Variants in TMOD3 observed in about 807,000 individuals in gnomAD.
TMOD3 encodes the protein tropomodulin 3.
A neutral mutation model predicts 39.2 loss-of-function variants in TMOD3; 20 were observed. The ratio of observed to expected loss-of-function variants is 0.51; its 90% CI spans 0.36 to 0.74. TMOD3 has a LOEUF of 0.74. Ranked by LOEUF, TMOD3 falls within the 30% of genes least tolerant of loss-of-function variation. The probability of loss-of-function intolerance (pLI) is 0.00; values close to 1 mark genes in which losing one functional copy is unlikely to be tolerated. For synonymous variants in TMOD3, 143 were observed against 145.8 expected (o/e 0.98, Z 0.14); for missense variants, 381 against 412.8 (o/e 0.92, Z 0.67).
intron 5 of TMOD3, 36 bp from the exon 6 acceptor site, chr15:51,893,779 G>T: frequency 7.0e-7 from 1 of 1,420,766 alleles, no homozygotes; most frequent in Non-Finnish European, 9.3e-7. Flanking sequence ...AAAAAAAAAT[G>T]GTATCAAATC....
chr15:51,860,974 G>A, intron 1 of TMOD3: 1 of 537,658 alleles, frequency 1.9e-6, no homozygotes, highest in South Asian at 1.5e-5. Flanking sequence ...AGCCAAAGTT[G>A]AACATCGTCT....
chr15:51,868,999 G>T (rs1250095237), intron 2 of TMOD3, among the ~76,000 whole-genome samples: 2 of 152,112 alleles, frequency 1.3e-5, no homozygotes, highest in African/African-American at 4.8e-5. Flanking sequence ...ACTAATGTAT[G>T]TGCCTATTTT....
At chr15:51,881,861 A>G (rs1433367767) in intron 3 of TMOD3, among the ~76,000 whole-genome samples, 1 of 151,780 alleles carries the variant, frequency 6.6e-6, no homozygotes, top group African/African-American at 2.4e-5. Context: ...TAAGAGTTTT[A>G]TAGTTTAGCC....
At position 51,893,820 on chromosome 15, in the gene TMOD3, G is replaced by A; in HGVS notation, c.502G>A (p.Val168Ile). 1 of 1,600,360 alleles carries A rather than the reference G, an allele frequency of 6.2e-7. No homozygotes were observed. The highest frequency in any genetic ancestry group is 8.5e-7 in the Non-Finnish European group (1 of 1,172,498). ...CTTTTCATTTATCACTGCAGATGTG[G>A]TCAAAGGTGAAAAGATTCTTCCGGT... is the stretch of plus-strand genomic sequence containing the variant. The part of the protein sequence containing the change: ...GVDQEHFSNV[V>I]KGEKILPVFD... The change falls in exon 6 of 10, where the codon GTC (valine) becomes ATC (isoleucine). Residue 168 changes from valine (V) to isoleucine (I), a missense_variant. By Grantham distance (29) the Val-to-Ile change is conservative. Coordinates refer to ENST00000308580, the MANE Select transcript of TMOD3 (RefSeq NM_014547.5).
At chr15:51,906,039 AG>A (rs1489862500) in intron 9 of TMOD3, among the ~76,000 whole-genome samples, 1 of 151,162 alleles carries the variant, frequency 6.6e-6, no homozygotes, top group Non-Finnish European at 1.5e-5. Flanking sequence ...CCTGCCATCT[AG>A]AGGATGAGCT....
intron 1 of TMOD3, chr15:51,859,976 T>C (rs2056408740): frequency 1.8e-6 from 1 of 545,810 alleles, no homozygotes; most frequent in Middle Eastern, 3.7e-4. Context: ...AGTAAATCTT[T>C]CCAAGCAAAA....
chr15:51,866,857 T>C (rs774394279), intron 2 of TMOD3, among the ~76,000 whole-genome samples: 1 of 152,128 alleles, frequency 6.6e-6, no homozygotes, highest in East Asian at 1.9e-4. Flanking sequence ...CTGGTAGGAA[T>C]AGGAGCAGTT....
intron 3 of TMOD3, among the ~76,000 whole-genome samples, chr15:51,876,562 T>C (rs2916171): frequency 0.36 from 53,843 of 150,532 alleles, 10,129 homozygotes; most frequent in Admixed American, 0.43. Context: ...CCTGGGTTCA[T>C]GCCATTCTCC....
intron 6 of TMOD3, among the ~76,000 whole-genome samples, chr15:51,895,216 CTT>C (rs974778013): frequency 2.9e-4 from 40 of 138,046 alleles, no homozygotes; most frequent in Admixed American, 4.4e-4. Context: ...TGATTACTAA[CTT>C]TTTTTTTTTT....
intron 3 of TMOD3, among the ~76,000 whole-genome samples, chr15:51,878,243 T>C (rs2056514988): frequency 6.6e-6 from 1 of 152,196 alleles, no homozygotes; most frequent in Non-Finnish European, 1.5e-5. Context: ...TGAAAACTGT[T>C]GTTTCTGGCC....
chr15:51,894,772 T>C (rs1285291633), intron 6 of TMOD3, among the ~76,000 whole-genome samples: 2 of 152,228 alleles, frequency 1.3e-5, no homozygotes, highest in African/African-American at 4.8e-5. Context: ...TGTTCATCAG[T>C]TGGAAGACAT....
At position 51,863,155 on chromosome 15, in the gene TMOD3, C is replaced by T. The variant is rs1007422885; in HGVS notation, c.126+145C>T. The T allele has an allele frequency of 3.0e-5, 22 of 727,372 alleles. No individual in the cohort carries two copies. The African/African-American group carries it at 3.8e-4, about 12-fold the overall frequency. 45.1% of individuals were successfully genotyped at this position (727,372 alleles called of 1,614,324 possible). ...TCCAAATCAAGTTGCTTTTGGCTCT[C>T]TCTCCAGTTCCCCACTTCTGCCTCC... On this transcript the variant is annotated intron_variant, in intron 2 of 9. Transcript: ENST00000308580.
chr15:51,873,476 A>G (rs926765766), intron 3 of TMOD3, among the ~76,000 whole-genome samples: 10 of 152,230 alleles, frequency 6.6e-5, no homozygotes, highest in Non-Finnish European at 1.2e-4. Context: ...TTTTTGGTAC[A>G]TTTAGATTAG....
At position 51,913,387 on chromosome 15, in the gene TMOD3, ATTTCAGAT is replaced by A. The variant is rs1415358603; in HGVS notation, c.*4587_*4594del. On this transcript the variant is annotated 3_prime_UTR_variant, in exon 10 of 10. Transcript: ENST00000308580. Reference sequence around the variant, plus strand: ...GGAAATGCTTATTGGAGCATTTAGAATTTCAGATTTTCAGATTAGGGATGCTGAACTGG... The same window carrying A: ...GGAAATGCTTATTGGAGCATTTAGAATTTCAGATTAGGGATGCTGAACTGG... 6.6e-6 allele frequency: 1 copy of A among 152,234 alleles called. No homozygotes were observed. The highest frequency in any genetic ancestry group is 1.5e-5 in the Non-Finnish European group (1 of 68,038). The allele number at this position is 152,234 out of a possible 1,614,324, so 9.4% of individuals were successfully genotyped here.
chr15:51,895,587 A>AT (rs1471631539), intron 6 of TMOD3, among the ~76,000 whole-genome samples: 1 of 152,030 alleles, frequency 6.6e-6, no homozygotes, highest in Non-Finnish European at 1.5e-5. Context: ...TCATCTGAAA[A>AT]TAACCAGGCT....
chr15:51,863,782 C>T (rs1211649189), intron 2 of TMOD3, among the ~76,000 whole-genome samples: 4 of 152,100 alleles, frequency 2.6e-5, no homozygotes, highest in East Asian at 1.9e-4. Context: ...CATTTTATAA[C>T]GTTGTTGTTA....
intron 1 of TMOD3, among the ~76,000 whole-genome samples, chr15:51,853,362 G>T (rs1208982673): frequency 6.6e-6 from 1 of 152,014 alleles, no homozygotes; most frequent in Non-Finnish European, 1.5e-5. Context: ...CATCATGCCT[G>T]GCTAGTTTTT....
chr15:51,860,625 GC>G, intron 1 of TMOD3: 1 of 542,200 alleles, frequency 1.8e-6, no homozygotes. Context: ...AGTTTTAGTA[GC>G]CCATTTCTTA....
rs150692636 is a variant in TMOD3, at chr15:51,893,842, C to T, written c.524C>T (p.Pro175Leu). Residue 175 changes from proline (P) to leucine (L), a missense_variant, in exon 6 of 10, where the codon CCG becomes CTG. Physicochemically the swap from Pro to Leu is moderately conservative, Grantham distance 98. Transcript: ENST00000308580. ...SNVVKGEKIL[P>L]VFDEPPNPTN... The stretch of plus-strand genomic sequence containing the variant: ...GTGGTCAAAGGTGAAAAGATTCTTC[C>T]GGTATTTGATGAGCCACCAAATCCA... 120 of 1,606,222 alleles carry T rather than the reference C, an allele frequency of 7.5e-5. No individual in the cohort carries two copies. The highest frequency in any genetic ancestry group is 9.3e-5 in the Non-Finnish European group (109 of 1,175,154).
Sources: allele counts gnomAD v4.1 joint callset (sites outside exome capture counted in the v4.1 genomes callset), GRCh38; gene constraint gnomAD v4.1.1; transcripts MANE v1.5; gene names NCBI Gene and HGNC (gene_info 2026-07-23, HGNC 2026-07-21).